The following VPS13C variants were observed in gnomAD, a reference collection of about 807,000 sequenced individuals.
VPS13C encodes the protein vacuolar protein sorting 13 homolog C, also known as intermembrane lipid transfer protein VPS13C.
Under a neutral mutation model 456.8 loss-of-function variants are expected in VPS13C, and 358 were observed. The observed-to-expected ratio is 0.78, with a 90% confidence interval of 0.72 to 0.86. The LOEUF is 0.86. VPS13C is among the 40% of genes least tolerant of loss of function. The pLI is 0.00. For synonymous variants in VPS13C, 1,578 were observed against 1,486.7 expected (o/e 1.06, Z -1.41); for missense variants, 4,818 against 4,385.4 (o/e 1.10, Z -2.79).
chr15:61,856,080 G>T (rs565886720), intron 83 of VPS13C, among the ~76,000 whole-genome samples: 1 of 152,176 alleles, frequency 6.6e-6, no homozygotes, highest in East Asian at 1.9e-4. Flanking sequence ...AATTATTTGG[G>T]TGGGTAGACT....
Position 61,904,343 on chromosome 15 carries a change from C to T in VPS13C, c.9105+2921G>A, listed in dbSNP as rs184284123. Among the ~76,000 whole-genome samples, 705 of 151,124 alleles carry T rather than the reference C, an allele frequency of 4.7e-3. 6 individuals are homozygous for T. The highest frequency in any genetic ancestry group is 7.6e-3 in the Non-Finnish European group (514 of 67,754). On this transcript the variant is annotated intron_variant, in intron 66 of 84. Transcript: ENST00000644861. ...TGTGATTTAAAAACGGGCAAAAGAT[C>T]TGAAGAGGCATATCTCAAAAGAAGA...
At chr15:61,999,166 G>A (rs1438509133) in intron 16 of VPS13C, among the ~76,000 whole-genome samples, 1 of 152,116 alleles carries the variant, frequency 6.6e-6, no homozygotes, top group Non-Finnish European at 1.5e-5. Flanking sequence ...ATCACCTGAG[G>A]TCAGGAGTTC....
At chr15:61,966,928 G>C (rs1184208662) in intron 29 of VPS13C, among the ~76,000 whole-genome samples, 2 of 151,942 alleles carry the variant, frequency 1.3e-5, no homozygotes, top group East Asian at 3.8e-4. Flanking sequence ...GATTCATCTT[G>C]AAGGCAGCTA....
intron 48 of VPS13C, among the ~76,000 whole-genome samples, chr15:61,934,895 C>T (rs1220344335): frequency 4.6e-5 from 7 of 151,970 alleles, no homozygotes; most frequent in East Asian, 1.9e-4. Context: ...GGACTACAGG[C>T]GCCCGCCACC....
intron 13 of VPS13C, among the ~76,000 whole-genome samples, chr15:62,009,155 A>T (rs1482454076): frequency 6.6e-6 from 1 of 152,180 alleles, no homozygotes; most frequent in Non-Finnish European, 1.5e-5. Flanking sequence ...CTAAGACTAT[A>T]TATTTTTCCT....
chr15:61,972,618 C>A lies in VPS13C; in HGVS notation c.2757+7G>T. 6.2e-7 allele frequency: 1 copy of A among 1,611,628 alleles called. No individual in the cohort carries two copies. Among genetic ancestry groups the A allele is most frequent in the African/African-American group, 1.3e-5 (1 of 74,888 alleles). On this transcript the variant is annotated splice_region_variant and intron_variant, in intron 27 of 84. Transcript: ENST00000644861. ...ATATATCTATTTATAGACAAAAAAG[C>A]ACATACTTCTTTAATTTCAAACTTG...
intron 42 of VPS13C, among the ~76,000 whole-genome samples, chr15:61,948,608 G>C (rs188201279): frequency 6.6e-6 from 1 of 152,032 alleles, no homozygotes; most frequent in East Asian, 1.9e-4. Context: ...GCTTGAACCT[G>C]GGAAGCGGAG....
intron 22 of VPS13C, among the ~76,000 whole-genome samples, chr15:61,981,132 T>C (rs937450714): frequency 6.6e-5 from 10 of 152,190 alleles, no homozygotes; most frequent in Non-Finnish European, 1.5e-4. Flanking sequence ...TACTGTCAAA[T>C]CACCCTACCA....
At chr15:62,054,369 A>G (rs2048721005) in intron 1 of VPS13C, among the ~76,000 whole-genome samples, 1 of 152,168 alleles carries the variant, frequency 6.6e-6, no homozygotes, top group South Asian at 2.1e-4. Context: ...AAAGGCAAAT[A>G]GAGGTTTTTT....
Position 61,945,807 on chromosome 15 carries a change from A to G in VPS13C, c.5056T>C (p.Tyr1686His). The change falls in exon 45 of 85, where the codon TAT (tyrosine) becomes CAT (histidine). Residue 1686 changes from tyrosine to histidine, a missense_variant. By Grantham distance (83) the Tyr-to-His change is moderately conservative (BLOSUM62 2). Transcript: ENST00000644861. ...LYPDATEGEA[Y>H]ADMSKVDGKL... ...CCGTCTACTTTGGACATATCAGCAT[A>G]GGCCTCTCCTTCTGTGGCATCTGGA... is the stretch of plus-strand genomic sequence containing the variant. 1 of 1,613,594 alleles carries G rather than the reference A, an allele frequency of 6.2e-7. No homozygotes were observed. Among genetic ancestry groups the G allele is most frequent in the Non-Finnish European group, 8.5e-7 (1 of 1,179,764 alleles).
At chr15:61,964,420 GGGGA>G (rs1200611812) in intron 31 of VPS13C, among the ~76,000 whole-genome samples, 1 of 151,894 alleles carries the variant, frequency 6.6e-6, no homozygotes, top group Non-Finnish European at 1.5e-5. Flanking sequence ...GCCACTGAGC[GGGGA>G]GGAAGAGCTC....
At chr15:61,973,787 T>C (rs1023769830) in intron 25 of VPS13C, among the ~76,000 whole-genome samples, 4 of 152,162 alleles carry the variant, frequency 2.6e-5, no homozygotes, top group African/African-American at 7.2e-5. Context: ...AGTAAGTTAG[T>C]CTATTATTAC....
chr15:62,045,103 T>C (rs1403898980), intron 1 of VPS13C, among the ~76,000 whole-genome samples: 1 of 152,130 alleles, frequency 6.6e-6, no homozygotes, highest in African/African-American at 2.4e-5. Flanking sequence ...ATTTAATTTG[T>C]TTACATCATT....
chr15:61,959,368 C>G, intron 36 of VPS13C, 80 bp downstream of exon 36: 1 of 1,306,094 alleles, frequency 7.7e-7, no homozygotes, highest in Non-Finnish European at 1.0e-6. Flanking sequence ...AAAGAGTCTA[C>G]ATTTCATTTG....
intron 50 of VPS13C, 38 bp from the exon 51 acceptor site, chr15:61,929,786 T>C: frequency 6.5e-7 from 1 of 1,544,942 alleles, no homozygotes; most frequent in Non-Finnish European, 8.8e-7. Context: ...TTATTCTTGC[T>C]AAAACAATAA....
At chr15:62,044,173 A>C in intron 2 of VPS13C, 39 bp downstream of exon 2, 1 of 1,399,652 alleles carries the variant, frequency 7.1e-7, no homozygotes, top group Non-Finnish European at 9.9e-7. Context: ...GAACTTACCA[A>C]ATTAAGTGAG....
intron 37 of VPS13C, among the ~76,000 whole-genome samples, chr15:61,955,130 G>A (rs2044943493): frequency 6.6e-6 from 1 of 152,118 alleles, no homozygotes. Flanking sequence ...ACCCTGAAAT[G>A]CAATAAAATT....
At chr15:61,866,681 A>G in intron 81 of VPS13C, 3 of 985,192 alleles carry the variant, frequency 3.0e-6, no homozygotes, top group Non-Finnish European at 3.6e-6. Context: ...TAACAGTTAC[A>G]TGTTTTGTTA....
chr15:61,974,261 G>A (rs373029639), intron 25 of VPS13C, 27 bp downstream of exon 25: 6 of 1,600,332 alleles, frequency 3.7e-6, no homozygotes, highest in Non-Finnish European at 4.3e-6. Context: ...TAAAAATAGG[G>A]TTATACATTT....
Sources: gnomAD v4.1 joint callset for allele counts (sites outside exome capture counted in the v4.1 genomes callset) on GRCh38, gnomAD v4.1.1 for gene constraint, MANE v1.5 for transcripts, NCBI Gene and HGNC (gene_info 2026-07-23, HGNC 2026-07-21) for gene names.